ESYT1: variants seen among roughly 807,000 people sequenced by gnomAD.
ESYT1 encodes the protein extended synaptotagmin-1.
ESYT1 carries 116 observed loss-of-function variants against 154.2 expected under a neutral mutation model. The ratio of observed to expected loss-of-function variants is 0.75; its 90% CI spans 0.65 to 0.88. The LOEUF (loss-of-function observed/expected upper bound fraction) is 0.88. Ranked by LOEUF, ESYT1 falls within the 40% of genes least tolerant of loss-of-function variation. ESYT1 has a pLI of 0.00. For missense variants in ESYT1, 1,264 were observed against 1,379.3 expected, an observed-to-expected ratio of 0.92 and a Z score of 1.32; for synonymous variants, 500 against 539.9, an observed-to-expected ratio of 0.93 and a Z score of 1.02.
chr12:56,133,821 C>T lies in ESYT1; in HGVS notation c.1421C>T (p.Pro474Leu). The change falls in exon 13 of 31, where the codon CCC becomes CTC. Residue 474 changes from proline to leucine, a missense_variant. Transcript: ENST00000394048. ...TGGGGAGTCTCCTCTCGACCAGATC[C>T]CCCGTCAGCTGCCATCTTAGTTGTC... The part of the protein sequence containing the change: ...WNWGVSSRPD[P>L]PSAAILVVYL... The T allele has an allele frequency of 1.2e-6, 2 of 1,614,166 alleles. No individual in the cohort carries two copies. The highest frequency in any genetic ancestry group is 2.2e-5 in the South Asian group (2 of 91,082).
At chr12:56,133,374 C>T in intron 10 of ESYT1, 43 bp from the exon 11 acceptor site, 1 of 1,612,526 alleles carries the variant, frequency 6.2e-7, no homozygotes, top group Non-Finnish European at 8.5e-7. Flanking sequence ...TACAACACTA[C>T]CCTTTTCTTC....
rs1870186574 is a variant in ESYT1, at chr12:56,130,469, T to C, written c.391-113T>C. The C allele has an allele frequency of 2.3e-6, 3 of 1,299,240 alleles. No homozygotes were observed. In the South Asian group the frequency reaches 3.5e-5, roughly 15 times the overall value. The allele number at this position is 1,299,240 out of a possible 1,614,324, so 80.5% of individuals were successfully genotyped here. On this transcript the variant is annotated intron_variant, in intron 1 of 30. Transcript: ENST00000394048. ...ATCCTCGCCCCTCGCCCACCCTGAGTGTGAGGAGTCACACACACTCCCTCT... is the reference window on the plus strand; with the variant it reads ...ATCCTCGCCCCTCGCCCACCCTGAGCGTGAGGAGTCACACACACTCCCTCT...
intron 10 of ESYT1, 65 bp downstream of exon 10, chr12:56,132,866 A>G (rs1447592258): frequency 7.0e-7 from 1 of 1,428,624 alleles, no homozygotes. Context: ...CATGCCTGTA[A>G]TCCCAGCACT....
intron 12 of ESYT1, 49 bp downstream of exon 12, chr12:56,133,723 G>A (rs756917222): frequency 1.9e-6 from 3 of 1,612,716 alleles, no homozygotes; most frequent in Admixed American, 1.7e-5. Context: ...ATAGGTAGCT[G>A]GAAGTGTAGG....
At position 56,132,714 on chromosome 12, in the gene ESYT1, C is replaced by T; in HGVS notation, c.1162-5C>T. 1 of 1,614,108 alleles carries T rather than the reference C, an allele frequency of 6.2e-7. No homozygotes were observed. The highest frequency in any genetic ancestry group is 8.5e-7 in the Non-Finnish European group (1 of 1,180,004). ...ATGAGACACTCAGCCTTCTGTGTTC[C>T]CCAGGTGATGGTACACGAGGTCCCA... On this transcript the variant is annotated splice_region_variant and splice_polypyrimidine_tract_variant and intron_variant, in intron 9 of 30. Transcript: ENST00000394048.
rs745557343 is a variant in ESYT1, at chr12:56,131,492, C to T, written c.730C>T (p.Arg244Trp). 1.1e-5 allele frequency: 17 copies of T among 1,613,928 alleles called. No individual in the cohort carries two copies. The highest frequency in any genetic ancestry group is 3.3e-5 in the South Asian group (3 of 91,074). ...VKGMQLHGVL[R>W]VILEPLIGDL... is the part of the protein sequence containing the mutation. The stretch of plus-strand genomic sequence containing the variant: ...CTTGCCTCAGCTACATGGCGTTTTG[C>T]GGGTGATACTGGAGCCACTCATTGG... The change falls in exon 6 of 31, where the codon CGG becomes TGG. Residue 244 changes from arginine (R) to tryptophan (W), a missense_variant. Physicochemically the swap from Arg to Trp is moderately radical, Grantham distance 101 (BLOSUM62 -3). Transcript: ENST00000394048.
chr12:56,132,988 G>A (rs962565500), intron 10 of ESYT1, among the ~76,000 whole-genome samples, 187 bp downstream of exon 10: 5 of 151,826 alleles, frequency 3.3e-5, no homozygotes, highest in East Asian at 1.9e-4. Context: ...GTGTGGTGGC[G>A]GGCGCCTGTA....
rs1870262363 is a variant in ESYT1, at chr12:56,132,194, T to C, written c.861-15T>C. On this transcript the variant is annotated splice_polypyrimidine_tract_variant and intron_variant, in intron 7 of 30. Transcript: ENST00000394048. ...AGTTGAGGCCATACCCACTCCTTTC[T>C]ACTCCCCCATTCAGCTCACTCTCTG... 3 of 1,614,056 alleles carry C rather than the reference T, an allele frequency of 1.9e-6. No individual in the cohort carries two copies. The highest frequency in any genetic ancestry group is 2.5e-6 in the Non-Finnish European group (3 of 1,180,024).
At chr12:56,138,377 T>C in intron 21 of ESYT1, 27 bp from the exon 22 acceptor site, 7 of 1,612,574 alleles carry the variant, frequency 4.3e-6, no homozygotes, top group Non-Finnish European at 5.9e-6. Context: ...CAGTTACCAC[T>C]CCCCAGCCCC....
intron 1 of ESYT1, 195 bp downstream of exon 1, chr12:56,128,904 C>T (rs558773157): frequency 4.7e-6 from 3 of 633,368 alleles, no homozygotes; most frequent in East Asian, 2.8e-5. Context: ...TCCCCACCCA[C>T]CCTTTCGCAT....
chr12:56,135,261 T>C (rs903241368), intron 15 of ESYT1, among the ~76,000 whole-genome samples: 15 of 150,704 alleles, frequency 1.0e-4, no homozygotes, highest in African/African-American at 3.6e-4. Flanking sequence ...CTCCACCTCC[T>C]GGGTTCAAGT....
chr12:56,137,419 G>C (rs745912060), intron 17 of ESYT1, 46 bp downstream of exon 17: 1 of 1,612,968 alleles, frequency 6.2e-7, no homozygotes, highest in East Asian at 2.2e-5. Context: ...GCCCCGCTAA[G>C]TATGCAAAGC....
In ESYT1 at chr12:56,133,422, AGCTG is replaced by A; in HGVS notation, c.1252_1255del (p.Leu418MetfsTer2). On this transcript the variant is annotated frameshift_variant, in exon 11 of 31. Transcript: ENST00000394048. LOFTEE classifies it high-confidence loss of function. ...TCTCCCCCGCCAACCCTCAGAATGAAGCTGGATGTAGGGAAGGTGTTACAGGCTA... is the reference window on the plus strand; with the variant it reads ...TCTCCCCCGCCAACCCTCAGAATGAAGATGTAGGGAAGGTGTTACAGGCTA... 6.2e-7 allele frequency: 1 copy of A among 1,614,206 alleles called. No homozygotes were observed. Among genetic ancestry groups the A allele is most frequent in the Non-Finnish European group, 8.5e-7 (1 of 1,180,042 alleles).
At position 56,136,836 on chromosome 12, in the gene ESYT1, G is replaced by T. The variant is rs1368843747; in HGVS notation, c.1725G>T (p.Trp575Cys). 1 of 1,610,594 alleles carries T rather than the reference G, an allele frequency of 6.2e-7. No individual in the cohort carries two copies. Among genetic ancestry groups the T allele is most frequent in the African/African-American group, 1.3e-5 (1 of 74,772 alleles). ...CCCCAGAACTCATCCTGGACCAGTG[G>T]TTCCAGCTCAGCAGCTCTGGTCCAA... The part of the protein sequence containing the change: ...LTAPELILDQ[W>C]FQLSSSGPNS... The change falls in exon 16 of 31, where the codon TGG (tryptophan) becomes TGT (cysteine). Residue 575 changes from tryptophan (W) to cysteine (C), a missense_variant. By Grantham distance (215) the Trp-to-Cys change is radical. Coordinates refer to ENST00000394048, the MANE Select transcript of ESYT1 (RefSeq NM_015292.3).
rs1592251009 is a variant in ESYT1, at chr12:56,142,984, G to A, written c.2988-33G>A. 3 of 1,614,100 alleles carry A rather than the reference G, an allele frequency of 1.9e-6. No individual in the cohort carries two copies. The highest frequency in any genetic ancestry group is 2.2e-5 in the East Asian group (1 of 44,884). On this transcript the variant is annotated intron_variant, in intron 27 of 30. Transcript: ENST00000394048. This position sits in a 1 kb window ranked among gnomAD's most constrained non-coding sequence, Gnocchi z 4.1. ...CAGATCGCCTCCATCCCTTCCCTCAGGTTACCATATCACCTACATCCTCCT... is the reference window on the plus strand; with the variant it reads ...CAGATCGCCTCCATCCCTTCCCTCAAGTTACCATATCACCTACATCCTCCT...
chr12:56,132,556 A>G lies in ESYT1; in HGVS notation c.1120A>G (p.Ile374Val). 6.2e-6 allele frequency: 10 copies of G among 1,614,190 alleles called. No homozygotes were observed. The highest frequency in any genetic ancestry group is 8.5e-6 in the Non-Finnish European group (10 of 1,180,028). The change falls in exon 9 of 31, where the codon ATT (isoleucine) becomes GTT (valine). Residue 374 changes from isoleucine (I) to valine (V), a missense_variant. Physicochemically the swap from Ile to Val is conservative, Grantham distance 29. Transcript: ENST00000394048. ...TACCCAGACATTCTGCAGTCGTGTC[A>G]TTGATGAAGAACTCAACCCACAGTG... ...LGTQTFCSRVIDEELNPQWGE... is the reference protein window; with the variant it reads ...LGTQTFCSRVVDEELNPQWGE...
chr12:56,138,783 A>G lies in ESYT1; in HGVS notation c.2449A>G (p.Lys817Glu). 1 of 1,614,196 alleles carries G rather than the reference A, an allele frequency of 6.2e-7. No individual in the cohort carries two copies. Among genetic ancestry groups the G allele is most frequent in the Non-Finnish European group, 8.5e-7 (1 of 1,180,030 alleles). ...GTCTTTCTAGCTGCGAAAAGGCACC[A>G]AGCACCTCAGCCCTTATGCTACTCT... is the stretch of plus-strand genomic sequence containing the variant. The part of the protein sequence containing the change: ...AEDLPLRKGT[K>E]HLSPYATLTV... Residue 817 changes from lysine (K) to glutamate (E), a missense_variant, in exon 23 of 31, where the codon AAG becomes GAG. Physicochemically the swap from Lys to Glu is moderately conservative, Grantham distance 56. Transcript: ENST00000394048.
chr12:56,137,414 G>A (rs776903548), intron 17 of ESYT1, 41 bp downstream of exon 17: 46 of 1,612,752 alleles, frequency 2.9e-5, no homozygotes, highest in Admixed American at 8.3e-5. Flanking sequence ...TGTTTGCCCC[G>A]CTAAGTATGC....
intron 15 of ESYT1, 42 bp downstream of exon 15, chr12:56,134,470 C>G (rs748850656): frequency 1.3e-6 from 2 of 1,537,512 alleles, no homozygotes; most frequent in African/African-American, 2.7e-5. Flanking sequence ...ATACCCTATT[C>G]TGACTTCCCA....
Sources: gnomAD v4.1 joint callset for allele counts (sites outside exome capture counted in the v4.1 genomes callset) on GRCh38, gnomAD v4.1.1 for gene constraint, Gnocchi (gnomAD v3.1) non-coding constraint, MANE v1.5 for transcripts, NCBI Gene and HGNC (gene_info 2026-07-23, HGNC 2026-07-21) for gene names.